The following CACHD1 variants were observed in gnomAD, a reference collection of about 807,000 sequenced individuals.
CACHD1 encodes VWFA and cache domain-containing protein 1.
In CACHD1, 71 loss-of-function variants were observed where a neutral mutation model predicts 138.7. The ratio of observed to expected loss-of-function variants is 0.51; its 90% CI spans 0.42 to 0.62. CACHD1 has a LOEUF of 0.62. CACHD1 is among the 20% of genes least tolerant of loss of function. The probability of loss-of-function intolerance (pLI) is 0.00; values close to 1 mark genes in which losing one functional copy is unlikely to be tolerated. For synonymous variants in CACHD1, 578 were observed against 591.5 expected, an observed-to-expected ratio of 0.98 and a Z score of 0.33; for missense variants, 1,389 against 1,625.3, an observed-to-expected ratio of 0.85 and a Z score of 2.50.
intron 7 of CACHD1, among the ~76,000 whole-genome samples, chr1:64,636,859 C>T: frequency 6.6e-6 from 1 of 152,160 alleles, no homozygotes; most frequent in Non-Finnish European, 1.5e-5. Context: ...TTGCCATATT[C>T]TTCTTCTTAG....
At chr1:64,650,697 A>C (rs531204993) in intron 9 of CACHD1, among the ~76,000 whole-genome samples, 1 of 152,332 alleles carries the variant, frequency 6.6e-6, no homozygotes, top group Admixed American at 6.5e-5. Context: ...GTAGAAGCTC[A>C]TTCTTTGTAG....
intron 1 of CACHD1, among the ~76,000 whole-genome samples, chr1:64,508,329 A>G (rs1461930115): frequency 6.6e-6 from 1 of 152,228 alleles, no homozygotes; most frequent in African/African-American, 2.4e-5. Context: ...TATAGGAATT[A>G]CATGAGAATG....
intron 1 of CACHD1, among the ~76,000 whole-genome samples, chr1:64,518,265 CTA>C (rs781107644): frequency 1.0e-4 from 15 of 149,442 alleles, no homozygotes; most frequent in Non-Finnish European, 2.1e-4. Flanking sequence ...CATTTCTGTG[CTA>C]CTTCTCCAGT....
intron 1 of CACHD1, among the ~76,000 whole-genome samples, chr1:64,543,321 C>T (rs1366744147): frequency 1.3e-5 from 2 of 149,292 alleles, no homozygotes; most frequent in African/African-American, 4.9e-5. Context: ...TTTGGGAGGC[C>T]AAGGTGGGAA....
intron 13 of CACHD1, among the ~76,000 whole-genome samples, chr1:64,662,594 A>C (rs1175838787): frequency 6.6e-6 from 1 of 152,242 alleles, no homozygotes; most frequent in Admixed American, 6.5e-5. Context: ...AAAGGAGTAG[A>C]AGATGCCCTA....
chr1:64,602,079 A>C (rs935378838), intron 3 of CACHD1, among the ~76,000 whole-genome samples: 1 of 152,214 alleles, frequency 6.6e-6, no homozygotes, highest in Non-Finnish European at 1.5e-5. Context: ...ATTTATTGAT[A>C]AGCTACTAGC....
intron 1 of CACHD1, among the ~76,000 whole-genome samples, chr1:64,478,869 G>T (rs72673305): frequency 3.3e-5 from 5 of 152,014 alleles, no homozygotes; most frequent in Non-Finnish European, 7.4e-5. Flanking sequence ...CTGTTGCCCA[G>T]TAGCCATGTG....
At chr1:64,548,187 T>G (rs1177470324) in intron 1 of CACHD1, among the ~76,000 whole-genome samples, 1 of 152,198 alleles carries the variant, frequency 6.6e-6, no homozygotes, top group Non-Finnish European at 1.5e-5. Flanking sequence ...GAAGGAAGTA[T>G]CTGATTTGGC....
intron 1 of CACHD1, among the ~76,000 whole-genome samples, chr1:64,482,689 G>A (rs185684751): frequency 6.6e-6 from 1 of 152,158 alleles, no homozygotes; most frequent in Non-Finnish European, 1.5e-5. Context: ...CTTCAGGGGG[G>A]TTAGCCTGTG....
chr1:64,534,964 T>C (rs576241919), intron 1 of CACHD1, among the ~76,000 whole-genome samples: 2 of 152,360 alleles, frequency 1.3e-5, no homozygotes, highest in Admixed American at 1.3e-4. Context: ...TGCTTTGTCA[T>C]GCATTCTGCC....
In CACHD1 at chr1:64,641,893, G is replaced by A. The variant is rs748358875; in HGVS notation, c.1080G>A (p.Ala360=). 6.2e-6 allele frequency: 10 copies of A among 1,606,380 alleles called. No individual in the cohort carries two copies. Among genetic ancestry groups the A allele is most frequent in the South Asian group, 4.5e-5 (4 of 89,522 alleles). ...ACTCTTCGGAAGAAGATAAAAAAGC[G>A]ACTCTCCAAGTCATCAATGAAGAAA... ...SKDSSEEDKK[A]TLQVINEENS... The change falls in exon 8 of 27, where the codon GCG becomes GCA. Residue 360 remains alanine, a synonymous_variant. Transcript: ENST00000651257.
chr1:64,665,161 C>T (rs1649588437), intron 15 of CACHD1, among the ~76,000 whole-genome samples: 1 of 151,892 alleles, frequency 6.6e-6, no homozygotes, highest in Non-Finnish European at 1.5e-5. Context: ...GACATAAGAA[C>T]AGAAAATCTA....
chr1:64,571,207 A>G (rs2100511247), intron 2 of CACHD1, among the ~76,000 whole-genome samples: 1 of 152,298 alleles, frequency 6.6e-6, no homozygotes, highest in South Asian at 2.1e-4. Flanking sequence ...AAGAAATCAA[A>G]CATTCATAAG....
intron 1 of CACHD1, among the ~76,000 whole-genome samples, chr1:64,513,493 T>A (rs2100354950): frequency 6.6e-6 from 1 of 152,358 alleles, no homozygotes; most frequent in African/African-American, 2.4e-5. Context: ...AGTAATCATG[T>A]ATAAGGGCAT....
At chr1:64,681,758 C>T (rs1650199314) in intron 25 of CACHD1, among the ~76,000 whole-genome samples, 1 of 151,926 alleles carries the variant, frequency 6.6e-6, no homozygotes, top group African/African-American at 2.4e-5. Flanking sequence ...AGTGTTAAGA[C>T]ACCCTGGCCT....
At chr1:64,675,690 A>G (rs1369904967) in intron 20 of CACHD1, 129 bp downstream of exon 20, 4 of 1,186,632 alleles carry the variant, frequency 3.4e-6, no homozygotes, top group Non-Finnish European at 4.8e-6. Context: ...CACAGTTACA[A>G]AGCCACTTAG....
Position 64,678,324 on chromosome 1 carries a change from A to G in CACHD1, c.3244+14A>G. 1.3e-6 allele frequency: 2 copies of G among 1,540,398 alleles called. No individual in the cohort carries two copies. The highest frequency in any genetic ancestry group is 1.7e-6 in the Non-Finnish European group (2 of 1,147,076). ...TGGGAGCAATAGGTATGTTTGTTAG[A>G]TGCCCCAACAATTTGATTCTTGAAT... On this transcript the variant is annotated intron_variant, in intron 23 of 26. Coordinates refer to ENST00000651257, the MANE Select transcript of CACHD1 (RefSeq NM_020925.4).
rs565871801 is a variant in CACHD1 at position 64,564,284 on chromosome 1, T to C, written c.261+13628T>C. 1.6e-4 allele frequency among the ~76,000 whole-genome samples: 25 copies of C among 152,236 alleles called. No homozygotes were observed. The East Asian group carries it at 4.1e-3, about 25-fold the overall frequency. On this transcript the variant is annotated intron_variant, in intron 2 of 26. Transcript: ENST00000651257. ...GACTATCACCTCTTCTAAGGGCTGC[T>C]CAGAAACAACTTTTATTACCGACTT...
intron 7 of CACHD1, among the ~76,000 whole-genome samples, chr1:64,637,569 A>C (rs558317181): frequency 3.9e-4 from 59 of 152,326 alleles, no homozygotes; most frequent in African/African-American, 1.3e-3. Context: ...GTTTGATGAG[A>C]GGCATTTCTC....
Sources: gnomAD v4.1 joint callset for allele counts (sites outside exome capture counted in the v4.1 genomes callset) on GRCh38, gnomAD v4.1.1 for gene constraint, MANE v1.5 for transcripts, NCBI Gene and HGNC (gene_info 2026-07-23, HGNC 2026-07-21) for gene names.